SHQ1: variants seen among roughly 807,000 people sequenced by gnomAD.
The protein encoded by SHQ1 is SHQ1, H/ACA ribonucleoprotein assembly factor.
A neutral mutation model predicts 53.8 loss-of-function variants in SHQ1; 49 were observed. The ratio of observed to expected loss-of-function variants is 0.91; its 90% CI spans 0.72 to 1.16. The LOEUF is 1.16. Ranked by LOEUF, SHQ1 falls within the 50% of genes most tolerant of loss-of-function variation. SHQ1 has a pLI of 0.00. For synonymous variants in SHQ1, 243 were observed against 251.0 expected, an observed-to-expected ratio of 0.97 and a Z score of 0.30; for missense variants, 738 against 683.1, an observed-to-expected ratio of 1.08 and a Z score of -0.90.
Position 72,822,404 on chromosome 3 carries a change from T to C in SHQ1, c.727+2020A>G, listed in dbSNP as rs145686800. ...CAGGTGGTTAAAAGGACTGAGTGGC[T>C]TGATCTCCTGCTAAAATTACACAAA... On this transcript the variant is annotated intron_variant, in intron 6 of 10. Coordinates refer to ENST00000325599, the MANE Select transcript of SHQ1 (RefSeq NM_018130.3). 5.2e-3 allele frequency among the ~76,000 whole-genome samples: 797 copies of C among 152,308 alleles called. 7 individuals carry two copies. Among genetic ancestry groups the C allele is most frequent in the African/African-American group, 0.018 (763 of 41,554 alleles).
intron 9 of SHQ1, among the ~76,000 whole-genome samples, chr3:72,811,759 CTCT>C (rs1349384755): frequency 6.6e-6 from 1 of 152,190 alleles, no homozygotes; most frequent in African/African-American, 2.4e-5. Context: ...AGATGTGATT[CTCT>C]TCTTTAGGCC....
chr3:72,737,715 T>C, the SHQ1 span, among the ~76,000 whole-genome samples: 1 of 152,234 alleles, frequency 6.6e-6, no homozygotes, highest in Non-Finnish European at 1.5e-5. Context: ...TAGGGAATAA[T>C]GACACGAAAA....
the SHQ1 span, among the ~76,000 whole-genome samples, chr3:72,729,477 C>A: frequency 6.6e-6 from 1 of 152,152 alleles, no homozygotes; most frequent in Admixed American, 6.5e-5. Context: ...GCCACAAATT[C>A]CAGGTCTTGC....
At chr3:72,832,611 C>G in intron 4 of SHQ1, 130 bp from the exon 5 acceptor site, 2 of 616,702 alleles carry the variant, frequency 3.2e-6, no homozygotes, top group East Asian at 5.6e-5. Flanking sequence ...CCACCTGTGA[C>G]ATTTAGATTC....
chr3:72,848,148 CA>C (rs1559705917), intron 1 of SHQ1, 49 bp downstream of exon 1: 1 of 1,608,322 alleles, frequency 6.2e-7, no homozygotes, highest in African/African-American at 1.3e-5. Context: ...CCCTCTAAAG[CA>C]GCTATCTAAC....
In SHQ1 at chr3:72,831,445, T is replaced by C. The variant is rs545159127; in HGVS notation, c.599+924A>G. On this transcript the variant is annotated intron_variant, in intron 5 of 10. Coordinates refer to ENST00000325599, the MANE Select transcript of SHQ1 (RefSeq NM_018130.3). The stretch of plus-strand genomic sequence containing the variant: ...AAGCCACTTAGTAGTAGTGTGACCT[T>C]GAGCAAGTCCCTTAAACTCCTCTCC... Among the ~76,000 whole-genome samples, 5 of 152,344 alleles carry C rather than the reference T, an allele frequency of 3.3e-5. No homozygotes were observed. The East Asian group carries it at 7.7e-4, about 23-fold the overall frequency.
At chr3:72,758,465 G>A (rs773186533) in intron 10 of SHQ1, among the ~76,000 whole-genome samples, 7 of 151,454 alleles carry the variant, frequency 4.6e-5, no homozygotes, top group Non-Finnish European at 1.0e-4. Context: ...AAAACTCCCT[G>A]TATTAGTTTC....
the SHQ1 span, among the ~76,000 whole-genome samples, chr3:72,738,200 C>A: frequency 1.3e-5 from 2 of 152,218 alleles, no homozygotes; most frequent in African/African-American, 4.8e-5. Context: ...TTAGTTCCCA[C>A]TGCACCCTGT....
downstream of SHQ1, among the ~76,000 whole-genome samples, chr3:72,747,019 G>A (rs888484404): frequency 2.0e-4 from 31 of 152,090 alleles, no homozygotes; most frequent in Admixed American, 8.5e-4. Context: ...TTTAAGTGCC[G>A]TAGTCACCCC....
In SHQ1 at chr3:72,773,398, A is replaced by G. The variant is rs763360923; in HGVS notation, c.1181+19518T>C. ...CAGTACATCCCTCAGCCTATCTCAC[A>G]GTAGCAGTGGTGGTAGATGAGTGAA... On this transcript the variant is annotated intron_variant, in intron 10 of 10. Transcript: ENST00000325599. 1.1e-4 allele frequency: 49 copies of G among 455,842 alleles called. No homozygotes were observed. In the Middle Eastern group the frequency reaches 5.0e-3, roughly 46 times the overall value. 28.2% of individuals were successfully genotyped at this position (455,842 alleles called of 1,614,324 possible).
chr3:72,744,214 C>G, the SHQ1 span, among the ~76,000 whole-genome samples: 1 of 152,186 alleles, frequency 6.6e-6, no homozygotes, highest in African/African-American at 2.4e-5. Context: ...GCCAATTCTT[C>G]TCCTGAATAC....
intron 10 of SHQ1, among the ~76,000 whole-genome samples, chr3:72,783,974 T>G (rs939899308): frequency 6.6e-6 from 1 of 152,082 alleles, no homozygotes; most frequent in Non-Finnish European, 1.5e-5. Context: ...CTAAATAAAC[T>G]TTAGTTAATA....
chr3:72,792,188 G>A (rs984275529), intron 10 of SHQ1, among the ~76,000 whole-genome samples: 3 of 152,110 alleles, frequency 2.0e-5, no homozygotes, highest in Admixed American at 6.5e-5. Context: ...ATACTAAAAT[G>A]TTTGCACACA....
intron 1 of SHQ1, among the ~76,000 whole-genome samples, chr3:72,847,073 C>G (rs1708358887): frequency 6.6e-6 from 1 of 152,198 alleles, no homozygotes; most frequent in Non-Finnish European, 1.5e-5. Context: ...TTGTTTTCCT[C>G]TCCCCAGTGA....
At chr3:72,844,298 A>G in intron 2 of SHQ1, 61 bp downstream of exon 2, 1 of 1,365,380 alleles carries the variant, frequency 7.3e-7, no homozygotes, top group Admixed American at 1.7e-5. Context: ...TTGTAAGATT[A>G]TTATGTAAAT....
At chr3:72,803,713 A>G (rs1706859007) in intron 9 of SHQ1, among the ~76,000 whole-genome samples, 1 of 152,206 alleles carries the variant, frequency 6.6e-6, no homozygotes, top group Non-Finnish European at 1.5e-5. Flanking sequence ...TCTTACCGCA[A>G]AAGCAGCCAT....
chr3:72,773,748 T>C (rs1290496371), intron 10 of SHQ1, among the ~76,000 whole-genome samples: 1 of 152,164 alleles, frequency 6.6e-6, no homozygotes, highest in African/African-American at 2.4e-5. Flanking sequence ...ACTGAGTCAA[T>C]GTGGAGTAGG....
At chr3:72,823,019 G>A (rs988809100) in intron 6 of SHQ1, among the ~76,000 whole-genome samples, 3 of 151,898 alleles carry the variant, frequency 2.0e-5, no homozygotes, top group South Asian at 2.1e-4. Context: ...CGCGGTGGCC[G>A]GTGCCTGTAG....
chr3:72,810,696 G>A (rs1016764931), intron 9 of SHQ1, among the ~76,000 whole-genome samples: 11 of 152,130 alleles, frequency 7.2e-5, no homozygotes, highest in South Asian at 2.1e-4. Flanking sequence ...TCAAACAAAT[G>A]AGCCTCTTCA....
Sources: allele counts gnomAD v4.1 joint callset (sites outside exome capture counted in the v4.1 genomes callset), GRCh38; gene constraint gnomAD v4.1.1; transcripts MANE v1.5; gene names NCBI Gene and HGNC (gene_info 2026-07-23, HGNC 2026-07-21).